Variants in MAF observed in about 807,000 individuals in gnomAD.
MAF encodes the protein transcription factor Maf.
In MAF, 10 loss-of-function variants were observed where a neutral mutation model predicts 22.0. That is an observed-to-expected ratio of 0.45 (90% CI 0.28 to 0.77). The LOEUF (loss-of-function observed/expected upper bound fraction) is 0.77. Ranked by LOEUF, MAF falls within the 30% of genes least tolerant of loss-of-function variation. The probability of loss-of-function intolerance (pLI) is 0.12; values close to 1 mark genes in which losing one functional copy is unlikely to be tolerated. For synonymous variants in MAF, 337 were observed against 255.8 expected, an observed-to-expected ratio of 1.32 and a Z score of -3.03; for missense variants, 544 against 548.4, an observed-to-expected ratio of 0.99 and a Z score of 0.08.
At chr16:79,311,753 C>G in the MAF span, among the ~76,000 whole-genome samples, 1 of 152,184 alleles carries the variant, frequency 6.6e-6, no homozygotes, top group African/African-American at 2.4e-5. Context: ...CTTTTCCTGT[C>G]TCAGCTTGAT....
chr16:79,484,784 CAT>C, the MAF span, among the ~76,000 whole-genome samples: 2 of 152,166 alleles, frequency 1.3e-5, no homozygotes, highest in East Asian at 3.9e-4. Flanking sequence ...AAAGGGGTGA[CAT>C]GTGTGCATGT....
At chr16:79,281,817 G>A in the MAF span, among the ~76,000 whole-genome samples, 2 of 151,862 alleles carry the variant, frequency 1.3e-5, no homozygotes, top group East Asian at 1.9e-4. Context: ...AGTGCTCATC[G>A]GAAAATCCAT....
chr16:79,229,015 G>A, the MAF span, among the ~76,000 whole-genome samples: 1 of 151,776 alleles, frequency 6.6e-6, no homozygotes, highest in Admixed American at 6.6e-5. Context: ...TCTTCTTGGA[G>A]CAAAAGATAC....
chr16:79,492,026 C>T, the MAF span, among the ~76,000 whole-genome samples: 2 of 152,278 alleles, frequency 1.3e-5, no homozygotes, highest in Non-Finnish European at 2.9e-5. Context: ...AATTCAAAGT[C>T]AAGCTCAAAA....
the MAF span, among the ~76,000 whole-genome samples, chr16:79,550,331 G>A: frequency 7.6e-6 from 1 of 131,126 alleles, no homozygotes; most frequent in Non-Finnish European, 1.8e-5. Context: ...AAAGCTTAGG[G>A]GGAAAGGAGA....
chr16:79,546,050 A>G, the MAF span, among the ~76,000 whole-genome samples: 8 of 152,066 alleles, frequency 5.3e-5, no homozygotes, highest in African/African-American at 1.9e-4. Flanking sequence ...AAAATAAATA[A>G]TAAATTATAA....
At chr16:79,464,704 C>A in the MAF span, among the ~76,000 whole-genome samples, 1 of 152,148 alleles carries the variant, frequency 6.6e-6, no homozygotes, top group African/African-American at 2.4e-5. Context: ...ACAAGCTACA[C>A]CATGGGTCAG....
chr16:79,411,077 G>C, the MAF span, among the ~76,000 whole-genome samples: 1 of 152,068 alleles, frequency 6.6e-6, no homozygotes. Flanking sequence ...GACTTCCTTT[G>C]ATCTTGCCTT....
the MAF span, among the ~76,000 whole-genome samples, chr16:79,292,740 A>G: frequency 6.6e-6 from 1 of 152,190 alleles, no homozygotes; most frequent in Non-Finnish European, 1.5e-5. Context: ...TTGCTGATAA[A>G]ACAAGATGCA....
At chr16:79,224,653 T>G in the MAF span, among the ~76,000 whole-genome samples, 1 of 152,160 alleles carries the variant, frequency 6.6e-6, no homozygotes, top group African/African-American at 2.4e-5. Flanking sequence ...ATAAGCAACT[T>G]CAGCAAAGTC....
At chr16:79,221,658 G>A in the MAF span, among the ~76,000 whole-genome samples, 9 of 152,164 alleles carry the variant, frequency 5.9e-5, no homozygotes, top group South Asian at 4.1e-4. Context: ...CTGGACAGCT[G>A]ATAAGAGTGT....
At chr16:79,422,775 G>A in the MAF span, among the ~76,000 whole-genome samples, 61,365 of 151,870 alleles carry the variant, frequency 0.4, 12,809 homozygotes, top group East Asian at 0.73. Context: ...ATGTTGGTGC[G>A]AAAGTAATTG....
At chr16:79,305,197 G>C in the MAF span, among the ~76,000 whole-genome samples, 3 of 152,332 alleles carry the variant, frequency 2.0e-5, no homozygotes, top group South Asian at 6.2e-4. Flanking sequence ...TCCGGGGCAG[G>C]TGAACTGTTT....
At chr16:79,514,067 A>T in the MAF span, among the ~76,000 whole-genome samples, 4 of 152,180 alleles carry the variant, frequency 2.6e-5, no homozygotes, top group African/African-American at 9.7e-5. Flanking sequence ...CCTACATTTT[A>T]GTAAGTTTAA....
the MAF span, among the ~76,000 whole-genome samples, chr16:79,475,648 G>C: frequency 9.9e-5 from 15 of 151,970 alleles, no homozygotes; most frequent in African/African-American, 3.4e-4. Context: ...GGTTATGTGG[G>C]GCTCATTTCT....
the MAF span, among the ~76,000 whole-genome samples, chr16:79,520,855 C>T: frequency 6.6e-6 from 1 of 152,184 alleles, no homozygotes; most frequent in African/African-American, 2.4e-5. Context: ...GAAGGGTATT[C>T]ACCATGTGCC....
chr16:79,344,214 G>A, the MAF span, among the ~76,000 whole-genome samples: 1 of 152,176 alleles, frequency 6.6e-6, no homozygotes, highest in East Asian at 1.9e-4. Context: ...GGAGTTAGGA[G>A]TCCTTCTATT....
chr16:79,372,635 CG>C, the MAF span, among the ~76,000 whole-genome samples: 17 of 152,268 alleles, frequency 1.1e-4, no homozygotes, highest in Non-Finnish European at 1.8e-4. Context: ...TGCGGTCTGG[CG>C]GGTGAGCCCC....
At chr16:79,482,927 T>C in the MAF span, among the ~76,000 whole-genome samples, 1 of 74,716 alleles carries the variant, frequency 1.3e-5, no homozygotes, top group Non-Finnish European at 2.6e-5. Flanking sequence ...CCTCCCTCCC[T>C]CTCCTCTCCC....
Sources: allele counts gnomAD v4.1 joint callset (sites outside exome capture counted in the v4.1 genomes callset), GRCh38; gene constraint gnomAD v4.1.1; transcripts MANE v1.5; gene names NCBI Gene and HGNC (gene_info 2026-07-23, HGNC 2026-07-21).